PPFIA2: variants seen among roughly 807,000 people sequenced by gnomAD.
PPFIA2 encodes liprin-alpha-2.
A neutral mutation model predicts 175.5 loss-of-function variants in PPFIA2; 46 were observed. The ratio of observed to expected loss-of-function variants is 0.26; its 90% CI spans 0.21 to 0.34. PPFIA2 has a LOEUF of 0.34. PPFIA2 is among the 10% of genes least tolerant of loss of function. The pLI, the probability that PPFIA2 is intolerant of heterozygous loss-of-function variation, is 1.00. For missense variants in PPFIA2, 1,179 were observed against 1,506.1 expected (o/e 0.78, Z 3.60); for synonymous variants, 568 against 511.4 (o/e 1.11, Z -1.49).
intron 5 of PPFIA2, among the ~76,000 whole-genome samples, chr12:81,449,761 T>C (rs2052090564): frequency 6.6e-6 from 1 of 151,528 alleles, no homozygotes; most frequent in African/African-American, 2.4e-5. Flanking sequence ...TTACATTAGG[T>C]ATATCTCCTA....
chr12:81,338,216 C>T (rs916993065), intron 21 of PPFIA2, among the ~76,000 whole-genome samples: 4 of 152,002 alleles, frequency 2.6e-5, no homozygotes, highest in African/African-American at 9.7e-5. Context: ...TTTGAGAAAC[C>T]AAAGGATGTA....
chr12:81,280,533 T>A (rs2041845735), intron 27 of PPFIA2, among the ~76,000 whole-genome samples: 2 of 152,092 alleles, frequency 1.3e-5, no homozygotes, highest in South Asian at 4.1e-4. Context: ...TCATCTATGG[T>A]TATATTTATT....
chr12:81,539,878 G>T (rs189586602), intron 4 of PPFIA2, among the ~76,000 whole-genome samples: 1 of 152,008 alleles, frequency 6.6e-6, no homozygotes, highest in East Asian at 1.9e-4. Context: ...AGGTGTGATT[G>T]CTTAGAATAA....
At chr12:81,566,530 C>CAAAAAAAAAAAAAAAAAAAAAAAAAAAA (rs3075452) in intron 4 of PPFIA2, among the ~76,000 whole-genome samples, 1 of 68,454 alleles carries the variant, frequency 1.5e-5, no homozygotes, top group Non-Finnish European at 2.7e-5. Context: ...GACTCCAACT[C>CAAAAAAAAAAAAAAAAAAAAAAAAAAAA]AAAAAAAAAA....
At chr12:81,371,586 C>T (rs555907781) in intron 11 of PPFIA2, among the ~76,000 whole-genome samples, 11 of 151,360 alleles carry the variant, frequency 7.3e-5, no homozygotes, top group African/African-American at 1.9e-4. Context: ...ACACAAAACA[C>T]CAAAATTGTG....
chr12:81,680,331 T>C (rs892094437), intron 3 of PPFIA2, among the ~76,000 whole-genome samples: 15 of 152,008 alleles, frequency 9.9e-5, no homozygotes, highest in South Asian at 2.1e-4. Context: ...AATAAACTTA[T>C]GTTAGTTAAT....
intron 4 of PPFIA2, among the ~76,000 whole-genome samples, chr12:81,540,519 T>G (rs1426690124): frequency 2.0e-5 from 3 of 152,042 alleles, no homozygotes; most frequent in Non-Finnish European, 4.4e-5. Context: ...TTAAAATAAA[T>G]TTTTAAAATG....
intron 3 of PPFIA2, among the ~76,000 whole-genome samples, chr12:81,732,406 A>G (rs1420083635): frequency 6.6e-6 from 1 of 151,414 alleles, no homozygotes; most frequent in Admixed American, 6.6e-5. Context: ...GGAAAAGAGC[A>G]AGGACAGAGA....
At chr12:81,738,071 A>C (rs190370258) in intron 3 of PPFIA2, among the ~76,000 whole-genome samples, 1 of 152,024 alleles carries the variant, frequency 6.6e-6, no homozygotes, top group Non-Finnish European at 1.5e-5. Flanking sequence ...ACATTATAGT[A>C]AAACTTCTTG....
intron 8 of PPFIA2, among the ~76,000 whole-genome samples, chr12:81,404,244 T>A (rs1370109984): frequency 6.6e-6 from 1 of 152,230 alleles, no homozygotes; most frequent in African/African-American, 2.4e-5. Flanking sequence ...GAGAAAGGTA[T>A]ATTTCTTCAT....
chr12:81,399,328 C>T (rs940610316), intron 8 of PPFIA2, among the ~76,000 whole-genome samples: 2 of 149,188 alleles, frequency 1.3e-5, no homozygotes, highest in Non-Finnish European at 3.0e-5. Context: ...ATTCTGAGTA[C>T]CTCAAATCCT....
intron 4 of PPFIA2, among the ~76,000 whole-genome samples, chr12:81,585,701 A>C (rs1199875489): frequency 6.6e-6 from 1 of 151,870 alleles, no homozygotes; most frequent in African/African-American, 2.4e-5. Context: ...TTCTTCCTGA[A>C]GTACCTGCCT....
chr12:81,407,889 T>C (rs2043214813), intron 7 of PPFIA2, among the ~76,000 whole-genome samples: 1 of 152,236 alleles, frequency 6.6e-6, no homozygotes, highest in African/African-American at 2.4e-5. Context: ...CTCCACTTCC[T>C]CATTTGCTTA....
chr12:81,554,799 AC>A (rs1379401115), intron 4 of PPFIA2, among the ~76,000 whole-genome samples: 2 of 152,038 alleles, frequency 1.3e-5, no homozygotes, highest in Non-Finnish European at 2.9e-5. Context: ...TGTTTTCTGA[AC>A]TAAAAACGTA....
At chr12:81,369,081 T>C (rs369870203) in intron 12 of PPFIA2, 30 bp downstream of exon 12, 1 of 1,511,926 alleles carries the variant, frequency 6.6e-7, no homozygotes, top group Non-Finnish European at 9.1e-7. Context: ...AAACCAATGA[T>C]TGGGGGGTAA....
intron 8 of PPFIA2, among the ~76,000 whole-genome samples, chr12:81,402,408 T>C (rs1482053747): frequency 6.6e-6 from 1 of 152,214 alleles, no homozygotes; most frequent in Non-Finnish European, 1.5e-5. Context: ...ATGGCATTAA[T>C]ATACCTTGAA....
At chr12:81,730,482 T>A (rs894033920) in intron 3 of PPFIA2, among the ~76,000 whole-genome samples, 1 of 151,602 alleles carries the variant, frequency 6.6e-6, no homozygotes, top group Non-Finnish European at 1.5e-5. Flanking sequence ...CAGATGCTTA[T>A]GAAACCATCA....
chr12:81,342,976 AAT>A (rs1404874389), intron 19 of PPFIA2, among the ~76,000 whole-genome samples: 1 of 114,370 alleles, frequency 8.7e-6, no homozygotes, highest in Non-Finnish European at 1.9e-5. Flanking sequence ...TAATAATAAT[AAT>A]AAATCATGTA....
At chr12:81,417,316 C>T (rs1447816428) in intron 7 of PPFIA2, 1 of 151,658 alleles carries the variant, frequency 6.6e-6, no homozygotes, top group Non-Finnish European at 1.5e-5. Flanking sequence ...AATTTGACCT[C>T]TTCAGCCGTG....
Sources: allele counts gnomAD v4.1 joint callset (sites outside exome capture counted in the v4.1 genomes callset), GRCh38; gene constraint gnomAD v4.1.1; transcripts MANE v1.5; gene names NCBI Gene and HGNC (gene_info 2026-07-23, HGNC 2026-07-21).